WDR53: variants seen among roughly 807,000 people sequenced by gnomAD.
The protein encoded by WDR53 is WD repeat-containing protein 53.
WDR53 carries 19 observed loss-of-function variants against 21.3 expected under a neutral mutation model. The observed-to-expected ratio is 0.89, with a 90% CI of 0.62 to 1.31. The LOEUF (loss-of-function observed/expected upper bound fraction) is 1.31. Ranked by LOEUF, WDR53 falls within the 50% of genes most tolerant of loss-of-function variation. The pLI is 0.00. For missense variants in WDR53, 374 were observed against 423.2 expected, an observed-to-expected ratio of 0.88 and a Z score of 1.02; for synonymous variants, 157 against 163.4, an observed-to-expected ratio of 0.96 and a Z score of 0.30.
Position 196,554,198 on chromosome 3 carries a change from G to GT in WDR53, c.*12dup, listed in dbSNP as rs763167997. 4.9e-5 allele frequency: 75 copies of GT among 1,515,176 alleles called. No homozygotes were observed. The highest frequency in any genetic ancestry group is 1.7e-4 in the Middle Eastern group (1 of 5,732). 93.9% of individuals were successfully genotyped at this position (1,515,176 alleles called of 1,614,324 possible). On this transcript the variant is annotated 3_prime_UTR_variant, in exon 4 of 4. Transcript: ENST00000332629. ...ACAGTTTTGCCACAATTCTTCAAATGTTTTTATTGGATTTAAAATTCATTT... is the reference window on the plus strand; with the variant it reads ...ACAGTTTTGCCACAATTCTTCAAATGTTTTTTATTGGATTTAAAATTCATTT...
chr3:196,561,058 A>G lies in WDR53; in HGVS notation c.418T>C (p.Ser140Pro), dbSNP rs1301059441. 6.2e-7 allele frequency: 1 copy of G among 1,614,240 alleles called. No homozygotes were observed. Among genetic ancestry groups the G allele is most frequent in the South Asian group, 1.1e-5 (1 of 91,088 alleles). ...RSLKRHSNIC[S>P]SVAFRPQRPQ... ...CTCTGAGGCCGAAAAGCCACTGAGG[A>G]GCAGATATTGGAATGTCTCTTCAAG... Residue 140 changes from serine to proline, a missense_variant, in exon 3 of 4, where the codon TCC becomes CCC. Coordinates refer to ENST00000332629, the MANE Select transcript of WDR53 (RefSeq NM_182627.3).
At chr3:196,556,979 TCTAAAATG>T (rs752328021) in intron 3 of WDR53, among the ~76,000 whole-genome samples, 2 of 152,224 alleles carry the variant, frequency 1.3e-5, no homozygotes, top group Non-Finnish European at 2.9e-5. Context: ...TCTTGACTTT[TCTAAAATG>T]CTAAAGACTC....
In WDR53 at chr3:196,554,686, T is replaced by C. The variant is rs746945095; in HGVS notation, c.602A>G (p.His201Arg). Residue 201 changes from histidine (H) to arginine (R), a missense_variant, in exon 4 of 4, where the codon CAT (histidine) becomes CGT (arginine). Transcript: ENST00000332629. ...PGQLLNPALA[H>R]SISVASCGNI... ...ACCACACGAAGCCACAGAGATAGAA[T>C]GGGCTAGGGCAGGGTTTAAGAGCTG... is the stretch of plus-strand genomic sequence containing the variant. The C allele has an allele frequency of 1.9e-6, 3 of 1,614,158 alleles. No homozygotes were observed. The highest frequency in any genetic ancestry group is 1.1e-5 in the South Asian group (1 of 91,072).
rs1243470233 is a variant in WDR53 at position 196,554,813 on chromosome 3, C to T, written c.481-6G>A. On this transcript the variant is annotated splice_region_variant and splice_polypyrimidine_tract_variant and intron_variant, in intron 3 of 3. Coordinates refer to ENST00000332629, the MANE Select transcript of WDR53 (RefSeq NM_182627.3). Reference sequence around the variant, plus strand: ...TGAAGACTCCACAGCATCACCTTTACATAAGAAGAAATTACACAGTCATAC... The same window carrying T: ...TGAAGACTCCACAGCATCACCTTTATATAAGAAGAAATTACACAGTCATAC... The T allele has an allele frequency of 1.9e-6, 3 of 1,602,114 alleles. No individual in the cohort carries two copies. The highest frequency in any genetic ancestry group is 2.6e-6 in the Non-Finnish European group (3 of 1,173,162).
rs946170618 is a variant in WDR53 at position 196,567,286 on chromosome 3, T to C, written c.-426A>G. 3 of 456,274 alleles carry C rather than the reference T, an allele frequency of 6.6e-6. No homozygotes were observed. Among genetic ancestry groups the C allele is most frequent in the Admixed American group, 4.7e-5 (2 of 42,392 alleles). The allele number at this position is 456,274 out of a possible 1,614,324, so 28.3% of individuals were successfully genotyped here. A position where few individuals can be genotyped will look rare whatever the true frequency, so the allele number is the denominator to read the frequency against. On this transcript the variant is annotated 5_prime_UTR_variant, in exon 2 of 4. Transcript: ENST00000332629. ...AGAAGCTGGATAGCAACCAAAATGA[T>C]TGAAGGGCTGTGGCGCTGGCACTGG...
chr3:196,560,317 A>C (rs1477395975), intron 3 of WDR53, among the ~76,000 whole-genome samples: 1 of 149,430 alleles, frequency 6.7e-6, no homozygotes, highest in African/African-American at 2.5e-5. Flanking sequence ...ATCTCGGCTC[A>C]CTGCAACCTC....
intron 3 of WDR53, among the ~76,000 whole-genome samples, chr3:196,555,939 C>T (rs917206598): frequency 7.2e-5 from 11 of 151,944 alleles, no homozygotes; most frequent in Non-Finnish European, 1.6e-4. Flanking sequence ...ATGTGACTAA[C>T]AATCACTGTT....
At chr3:196,563,856 G>A (rs567717985) in intron 2 of WDR53, among the ~76,000 whole-genome samples, 4 of 152,260 alleles carry the variant, frequency 2.6e-5, no homozygotes, top group East Asian at 3.9e-4. Context: ...ATAGGCGTGC[G>A]TCACCGCACC....
intron 3 of WDR53, among the ~76,000 whole-genome samples, chr3:196,556,940 T>C (rs1734371147): frequency 6.6e-6 from 1 of 152,242 alleles, no homozygotes; most frequent in Non-Finnish European, 1.5e-5. Context: ...GATTCCAGAC[T>C]GTTCCTGTCT....
chr3:196,555,803 T>A (rs950601609), intron 3 of WDR53, among the ~76,000 whole-genome samples: 1 of 152,222 alleles, frequency 6.6e-6, no homozygotes, highest in African/African-American at 2.4e-5. Flanking sequence ...TGGTTTCCTA[T>A]TCAAGGTAAC....
rs12152396 is a variant in WDR53 at position 196,563,291 on chromosome 3, C to A, written c.-16-1800G>T. Among the ~76,000 whole-genome samples, 668 of 152,282 alleles carry A rather than the reference C, an allele frequency of 4.4e-3. 2 individuals carry two copies. Among genetic ancestry groups the A allele is most frequent in the Non-Finnish European group, 8.1e-3 (549 of 68,024 alleles). On this transcript the variant is annotated intron_variant, in intron 2 of 3. Transcript: ENST00000332629. ...AGATATACACACACTGGAAATGCCACATAATACCGGCCTGCCGTGCCCGCC... is the reference window on the plus strand; with the variant it reads ...AGATATACACACACTGGAAATGCCAAATAATACCGGCCTGCCGTGCCCGCC...
chr3:196,557,556 G>C (rs1283037951), intron 3 of WDR53, among the ~76,000 whole-genome samples: 1 of 152,030 alleles, frequency 6.6e-6, no homozygotes, highest in Non-Finnish European at 1.5e-5. Flanking sequence ...ACAAACAAAA[G>C]AGCCTTCTCT....
chr3:196,559,527 TA>T lies in WDR53; in HGVS notation c.480+1468del, dbSNP rs1734628589. 2.0e-5 allele frequency among the ~76,000 whole-genome samples: 3 copies of T among 152,138 alleles called. No homozygotes were observed. The South Asian group carries it at 6.2e-4, about 31-fold the overall frequency. On this transcript the variant is annotated intron_variant, in intron 3 of 3. Coordinates refer to ENST00000332629, the MANE Select transcript of WDR53 (RefSeq NM_182627.3). ...AAAAACAGTCTCATCATTCTTCAGTTATGAGGGGTATGCAGGGTTGGGGAGG... is the reference window on the plus strand; with the variant it reads ...AAAAACAGTCTCATCATTCTTCAGTTTGAGGGGTATGCAGGGTTGGGGAGG...
chr3:196,557,797 T>TTTA (rs1734470912), intron 3 of WDR53, among the ~76,000 whole-genome samples: 1 of 151,258 alleles, frequency 6.6e-6, no homozygotes, highest in Non-Finnish European at 1.5e-5. Flanking sequence ...TTTTTTTTTT[T>TTTA]GAGACAAGGT....
At position 196,561,401 on chromosome 3, in the gene WDR53, A is replaced by T; in HGVS notation, c.75T>A (p.Ala25=). The change falls in exon 3 of 4, where the codon GCT becomes GCA. Residue 25 remains alanine, a synonymous_variant. Coordinates refer to ENST00000332629, the MANE Select transcript of WDR53 (RefSeq NM_182627.3). ...CLNASKEGLL[A]SGAEGGDLTA... The stretch of plus-strand genomic sequence containing the variant: ...TGAGATCTCCGCCCTCTGCTCCAGA[A>T]GCCAGCAGCCCTTCTTTACTTGCAT... 6.2e-7 allele frequency: 1 copy of T among 1,614,150 alleles called. No individual in the cohort carries two copies. Among genetic ancestry groups the T allele is most frequent in the East Asian group, 2.2e-5 (1 of 44,888 alleles).
chr3:196,558,816 G>C (rs540560828), intron 3 of WDR53, among the ~76,000 whole-genome samples: 27 of 152,350 alleles, frequency 1.8e-4, no homozygotes, highest in African/African-American at 6.5e-4. Flanking sequence ...TTCAGTTAAG[G>C]AAGTCATTTC....
chr3:196,558,219 T>C lies in WDR53; in HGVS notation c.480+2777A>G, dbSNP rs536691449. Among the ~76,000 whole-genome samples, 9 of 152,266 alleles carry C rather than the reference T, an allele frequency of 5.9e-5. No individual in the cohort carries two copies. In the South Asian group the frequency reaches 1.9e-3, roughly 32 times the overall value. ...TTGAATGCGCTTTGCCTATTTTATT[T>C]TTTTGAGACAGGGTCTCACTTTGTC... On this transcript the variant is annotated intron_variant, in intron 3 of 3. Coordinates refer to ENST00000332629, the MANE Select transcript of WDR53 (RefSeq NM_182627.3).
rs535958768 is a variant in WDR53, at chr3:196,567,159, A to G, written c.-299T>C. 2.8e-5 allele frequency: 13 copies of G among 457,162 alleles called. No homozygotes were observed. Among genetic ancestry groups the G allele is most frequent in the South Asian group, 1.9e-4 (12 of 64,570 alleles). 28.3% of individuals were successfully genotyped at this position (457,162 alleles called of 1,614,324 possible). A position where few individuals can be genotyped will look rare whatever the true frequency, so the allele number is the denominator to read the frequency against. ...ATGGATCAACTCTGCTTATCCTTGA[A>G]GACTTCAAAGAAATTAGTGAGAGAC... On this transcript the variant is annotated 5_prime_UTR_variant, in exon 2 of 4. Coordinates refer to ENST00000332629, the MANE Select transcript of WDR53 (RefSeq NM_182627.3).
rs1365892602 is a variant in WDR53, at chr3:196,561,053, T to C, written c.423A>G (p.Ser141=). ...SLKRHSNICS[S]VAFRPQRPQS... ...GAGGCCTCTGAGGCCGAAAAGCCACTGAGGAGCAGATATTGGAATGTCTCT... is the reference window on the plus strand; with the variant it reads ...GAGGCCTCTGAGGCCGAAAAGCCACCGAGGAGCAGATATTGGAATGTCTCT... The change falls in exon 3 of 4, where the codon TCA becomes TCG. Residue 141 remains serine, a synonymous_variant. Coordinates refer to ENST00000332629, the MANE Select transcript of WDR53 (RefSeq NM_182627.3). The C allele has an allele frequency of 6.2e-7, 1 of 1,614,118 alleles. No individual in the cohort carries two copies. The highest frequency in any genetic ancestry group is 8.5e-7 in the Non-Finnish European group (1 of 1,180,050).
Sources: allele counts gnomAD v4.1 joint callset (sites outside exome capture counted in the v4.1 genomes callset), GRCh38; gene constraint gnomAD v4.1.1; transcripts MANE v1.5; gene names NCBI Gene and HGNC (gene_info 2026-07-23, HGNC 2026-07-21).